Variants in ZRANB3 observed in about 807,000 individuals in gnomAD.
The protein encoded by ZRANB3 is DNA annealing helicase and endonuclease ZRANB3.
A neutral mutation model predicts 133.8 loss-of-function variants in ZRANB3; 125 were observed. That is an observed-to-expected ratio of 0.93 (90% CI 0.81 to 1.08). ZRANB3 has a LOEUF of 1.08. ZRANB3 is among the 50% of genes least tolerant of loss of function. The probability of loss-of-function intolerance (pLI) is 0.00; values close to 1 mark genes in which losing one functional copy is unlikely to be tolerated. For missense variants in ZRANB3, 1,229 were observed against 1,275.5 expected (o/e 0.96, Z 0.56); for synonymous variants, 387 against 432.7 (o/e 0.89, Z 1.31).
In ZRANB3 at chr2:135,510,858, T is replaced by C. The variant is rs879212303; in HGVS notation, c.-7-6362A>G. ...GTGCAACTCCACCACGTTCCCATAATTTTGAAAGAAATCTTTAAGCTCTGA... is the reference window on the plus strand; with the variant it reads ...GTGCAACTCCACCACGTTCCCATAACTTTGAAAGAAATCTTTAAGCTCTGA... On this transcript the variant is annotated intron_variant, in intron 1 of 20. Coordinates refer to ENST00000264159, the MANE Select transcript of ZRANB3 (RefSeq NM_032143.4). 2.6e-6 allele frequency: 3 copies of C among 1,138,208 alleles called. No individual in the cohort carries two copies. In the African/African-American group the frequency reaches 4.6e-5, roughly 17 times the overall value. 70.5% of individuals were successfully genotyped at this position (1,138,208 alleles called of 1,614,324 possible).
At chr2:135,385,209 A>T (rs1247370459) in intron 3 of ZRANB3, among the ~76,000 whole-genome samples, 1 of 152,210 alleles carries the variant, frequency 6.6e-6, no homozygotes, top group Admixed American at 6.5e-5. Flanking sequence ...AGACAAACAG[A>T]GAGCCAAATG....
intron 12 of ZRANB3, among the ~76,000 whole-genome samples, chr2:135,253,999 T>C (rs965778295): frequency 6.6e-6 from 1 of 152,230 alleles, no homozygotes; most frequent in African/African-American, 2.4e-5. Context: ...GTCTCACTTT[T>C]TGGCATGGCA....
At chr2:135,323,243 A>G (rs926930350) in intron 6 of ZRANB3, among the ~76,000 whole-genome samples, 12 of 152,202 alleles carry the variant, frequency 7.9e-5, no homozygotes, top group African/African-American at 2.9e-4. Flanking sequence ...GAATTGGGGG[A>G]AAATTTACAA....
In ZRANB3 at chr2:135,406,594, C is replaced by G. The variant is rs956350706; in HGVS notation, c.162-15774G>C. Among the ~76,000 whole-genome samples the G allele has an allele frequency of 1.1e-3, 164 of 152,136 alleles. 2 individuals carry two copies. Among genetic ancestry groups the G allele is most frequent in the Non-Finnish European group, 1.5e-3 (102 of 68,016 alleles). On this transcript the variant is annotated intron_variant, in intron 2 of 20. Coordinates refer to ENST00000264159, the MANE Select transcript of ZRANB3 (RefSeq NM_032143.4). ...TCAATAAAATACTGGCAAACCGAAT[C>G]CAGCAGCACATCAAAAAGCTTATCC...
At chr2:135,312,134 T>C (rs985579681) in intron 8 of ZRANB3, among the ~76,000 whole-genome samples, 1 of 97,978 alleles carries the variant, frequency 1.0e-5, no homozygotes, top group Non-Finnish European at 1.8e-5. Context: ...TTTTATTTTA[T>C]TATTTTATTT....
intron 3 of ZRANB3, among the ~76,000 whole-genome samples, chr2:135,362,517 C>T (rs1419104614): frequency 7.9e-5 from 12 of 152,056 alleles, no homozygotes. Context: ...GGCACTGAGT[C>T]GGGGATGGTG....
At chr2:135,287,934 T>C (rs938810041) in intron 8 of ZRANB3, among the ~76,000 whole-genome samples, 1 of 152,158 alleles carries the variant, frequency 6.6e-6, no homozygotes, top group Admixed American at 6.5e-5. Context: ...TTTCTTTCTC[T>C]TGTCTGACTG....
chr2:135,207,967 T>C (rs747282443), intron 18 of ZRANB3, 131 bp from the exon 19 acceptor site: 29 of 921,802 alleles, frequency 3.1e-5, no homozygotes, highest in Non-Finnish European at 4.2e-5. Flanking sequence ...AGAAATAAAA[T>C]AGTTACAGTC....
chr2:135,446,976 G>A (rs1198763695), intron 2 of ZRANB3, among the ~76,000 whole-genome samples: 1 of 152,014 alleles, frequency 6.6e-6, no homozygotes, highest in East Asian at 1.9e-4. Flanking sequence ...CTCTTGGGTT[G>A]TTCTGTTTAA....
At chr2:135,525,573 C>T (rs1694117883) in intron 1 of ZRANB3, among the ~76,000 whole-genome samples, 1 of 152,236 alleles carries the variant, frequency 6.6e-6, no homozygotes, top group Non-Finnish European at 1.5e-5. Context: ...TTGGGCCGGG[C>T]ACAATGGCTC....
intron 8 of ZRANB3, among the ~76,000 whole-genome samples, chr2:135,291,142 G>A (rs1018207468): frequency 1.3e-4 from 19 of 147,608 alleles, no homozygotes; most frequent in South Asian, 4.4e-4. Context: ...GAATACAGGC[G>A]TGAGCCACTG....
At chr2:135,290,818 C>T (rs1681667061) in intron 8 of ZRANB3, among the ~76,000 whole-genome samples, 1 of 152,142 alleles carries the variant, frequency 6.6e-6, no homozygotes, top group Non-Finnish European at 1.5e-5. Flanking sequence ...GTTCTTTGAG[C>T]TTCTTGTATT....
chr2:135,431,531 C>G (rs915711354), intron 2 of ZRANB3, among the ~76,000 whole-genome samples: 3 of 151,956 alleles, frequency 2.0e-5, no homozygotes, highest in African/African-American at 4.8e-5. Flanking sequence ...AAAGACAAGG[C>G]ACAGGCTGGG....
intron 2 of ZRANB3, among the ~76,000 whole-genome samples, chr2:135,419,614 T>G (rs1194855324): frequency 6.6e-6 from 1 of 152,000 alleles, no homozygotes; most frequent in East Asian, 1.9e-4. Context: ...GAAATTGTTT[T>G]GAGATAACTA....
At chr2:135,430,088 A>T (rs1221906876) in intron 2 of ZRANB3, among the ~76,000 whole-genome samples, 1 of 152,024 alleles carries the variant, frequency 6.6e-6, no homozygotes, top group Non-Finnish European at 1.5e-5. Context: ...GGGTGGGAGG[A>T]TCACTTGAGC....
At chr2:135,222,765 T>TTA (rs1366791658) in intron 15 of ZRANB3, among the ~76,000 whole-genome samples, 7 of 151,860 alleles carry the variant, frequency 4.6e-5, no homozygotes, top group African/African-American at 1.7e-4. Context: ...AATGTTATTT[T>TTA]TATATATATA....
chr2:135,249,554 A>G (rs952586052), intron 12 of ZRANB3, among the ~76,000 whole-genome samples: 4 of 152,112 alleles, frequency 2.6e-5, no homozygotes, highest in African/African-American at 9.7e-5. Context: ...CTGTGTCCCC[A>G]CCCAAATCTC....
chr2:135,337,670 A>C (rs776630294), intron 6 of ZRANB3, among the ~76,000 whole-genome samples: 1 of 152,334 alleles, frequency 6.6e-6, no homozygotes, highest in East Asian at 1.9e-4. Flanking sequence ...TGATGTTAGC[A>C]AATTAATTAT....
chr2:135,214,778 G>A (rs1474557360), intron 17 of ZRANB3, among the ~76,000 whole-genome samples: 3 of 152,018 alleles, frequency 2.0e-5, no homozygotes, highest in Non-Finnish European at 4.4e-5. Flanking sequence ...AATGACACAC[G>A]CCCATGGGAA....
Sources: allele counts gnomAD v4.1 joint callset (sites outside exome capture counted in the v4.1 genomes callset), GRCh38; gene constraint gnomAD v4.1.1; transcripts MANE v1.5; gene names NCBI Gene and HGNC (gene_info 2026-07-23, HGNC 2026-07-21).